The following NRIP1 variants were observed in gnomAD, a reference collection of about 807,000 sequenced individuals.
NRIP1 encodes the protein nuclear receptor-interacting protein 1.
NRIP1 carries 28 observed loss-of-function variants against 75.0 expected under a neutral mutation model. That is an observed-to-expected ratio of 0.37 (90% CI 0.28 to 0.51). The LOEUF (loss-of-function observed/expected upper bound fraction) is 0.51. Among genes scored for constraint, NRIP1 ranks in the 20% least tolerant of loss-of-function variants. The pLI, the probability that NRIP1 is intolerant of heterozygous loss-of-function variation, is 0.92. For missense variants in NRIP1, 1,435 were observed against 1,343.7 expected (o/e 1.07, Z -1.06); for synonymous variants, 526 against 487.6 (o/e 1.08, Z -1.04).
intron 3 of NRIP1, among the ~76,000 whole-genome samples, chr21:14,985,783 C>T (rs561768996): frequency 6.6e-6 from 1 of 152,076 alleles, no homozygotes; most frequent in Non-Finnish European, 1.5e-5. Flanking sequence ...CCAGTTCCAT[C>T]AAGCTTTTCA....
intron 3 of NRIP1, among the ~76,000 whole-genome samples, chr21:15,005,662 G>A (rs575818881): frequency 2.6e-5 from 4 of 152,306 alleles, no homozygotes; most frequent in South Asian, 2.1e-4. Flanking sequence ...CAGGATCTGT[G>A]CCAGTGTGAG....
intron 3 of NRIP1, among the ~76,000 whole-genome samples, chr21:14,972,935 G>A (rs1284171689): frequency 6.6e-6 from 1 of 152,168 alleles, no homozygotes; most frequent in Non-Finnish European, 1.5e-5. Flanking sequence ...CCTGCTGTGT[G>A]GCCCAGTTCC....
rs112965101 is a variant in NRIP1, at chr21:15,014,455, T to A, written c.-446A>T. 3.1e-3 allele frequency: 1,223 copies of A among 398,414 alleles called. 10 individuals carry two copies. The highest frequency in any genetic ancestry group is 0.023 in the African/African-American group (1,098 of 48,732). The allele number at this position is 398,414 out of a possible 1,614,324, so 24.7% of individuals were successfully genotyped here. ...CTTCAGATTCCCTGTCCTCCTTCAG[T>A]CAAGTGTGCATCTTAACAAGAGGGA... On this transcript the variant is annotated 5_prime_UTR_variant, in exon 3 of 4. An upstream open reading frame in the 5' UTR loses its in-frame stop. Coordinates refer to ENST00000318948, the MANE Select transcript of NRIP1 (RefSeq NM_003489.4).
chr21:15,037,993 A>T (rs1254798469), intron 2 of NRIP1, among the ~76,000 whole-genome samples: 1 of 152,146 alleles, frequency 6.6e-6, no homozygotes, highest in African/African-American at 2.4e-5. Context: ...ATGGCAGTGG[A>T]AAGACAAAGA....
chr21:14,968,831 A>G (rs532993473), intron 3 of NRIP1, among the ~76,000 whole-genome samples: 47 of 152,336 alleles, frequency 3.1e-4, no homozygotes, highest in Admixed American at 2.2e-3. Flanking sequence ...AATTTTCATA[A>G]GCACCTTTCT....
chr21:14,978,754 T>C (rs1160286141), intron 3 of NRIP1, among the ~76,000 whole-genome samples: 1 of 152,232 alleles, frequency 6.6e-6, no homozygotes, highest in African/African-American at 2.4e-5. Context: ...CTATTCATTT[T>C]ACACTGCCTC....
chr21:14,968,129 C>T lies in NRIP1; in HGVS notation c.64G>A (p.Glu22Lys). ...HQDSIVLTYL[E>K]GLLMHQAAGG... ...GCTGCCTGATGCATTAGTAATCCTT[C>T]TAGGTAAGTTAAAACAATAGAATCC... is the stretch of plus-strand genomic sequence containing the variant. Residue 22 changes from glutamate to lysine, a missense_variant, in exon 4 of 4, where the codon GAA becomes AAA. Glu to Lys is a moderately conservative substitution (Grantham distance 56). Transcript: ENST00000318948. The T allele has an allele frequency of 6.2e-7, 1 of 1,613,964 alleles. No homozygotes were observed. Among genetic ancestry groups the T allele is most frequent in the East Asian group, 2.2e-5 (1 of 44,860 alleles).
intron 2 of NRIP1, among the ~76,000 whole-genome samples, chr21:15,033,146 A>G (rs2147273565): frequency 6.6e-6 from 1 of 150,790 alleles, no homozygotes; most frequent in South Asian, 2.1e-4. Context: ...AATGGCGTGA[A>G]CCTGGGAGGC....
chr21:15,006,175 GA>G (rs145788672), intron 3 of NRIP1, among the ~76,000 whole-genome samples: 1,942 of 148,806 alleles, frequency 0.013, 33 homozygotes, highest in African/African-American at 0.043. Context: ...TCTTAAGACG[GA>G]AAAAAAAAAT....
intron 1 of NRIP1, among the ~76,000 whole-genome samples, chr21:15,054,618 G>T (rs916323711): frequency 6.6e-6 from 1 of 152,118 alleles, no homozygotes; most frequent in Non-Finnish European, 1.5e-5. Context: ...GAAAAAACGT[G>T]GAAGAGCTTC....
intron 2 of NRIP1, among the ~76,000 whole-genome samples, chr21:15,017,538 T>TA (rs1201967672): frequency 6.6e-6 from 1 of 152,094 alleles, no homozygotes; most frequent in Non-Finnish European, 1.5e-5. Context: ...GATATAATCT[T>TA]AAAAAAACCC....
intron 2 of NRIP1, among the ~76,000 whole-genome samples, chr21:15,021,580 C>A (rs1392685759): frequency 6.6e-6 from 1 of 151,696 alleles, no homozygotes. Context: ...CTAAATAAAG[C>A]CATGAAAAAC....
chr21:14,978,133 A>T (rs1185245154), intron 3 of NRIP1, among the ~76,000 whole-genome samples: 1 of 152,212 alleles, frequency 6.6e-6, no homozygotes, highest in African/African-American at 2.4e-5. Flanking sequence ...TGTCATTCAC[A>T]TTCCCAACTA....
At chr21:15,064,384 C>T (rs1978649836) in intron 1 of NRIP1, among the ~76,000 whole-genome samples, 1 of 152,198 alleles carries the variant, frequency 6.6e-6, no homozygotes, top group Admixed American at 6.5e-5. Context: ...CGAGCGGTGC[C>T]CGGGGTTCGG....
intron 1 of NRIP1, among the ~76,000 whole-genome samples, chr21:15,053,025 A>G (rs1254070447): frequency 6.6e-6 from 1 of 152,214 alleles, no homozygotes; most frequent in Non-Finnish European, 1.5e-5. Context: ...TTGACTGCCC[A>G]AAGGCCCATT....
chr21:15,036,382 C>G (rs1411121290), intron 2 of NRIP1, among the ~76,000 whole-genome samples: 3 of 152,220 alleles, frequency 2.0e-5, no homozygotes, highest in Non-Finnish European at 4.4e-5. Flanking sequence ...TCTGCTACTA[C>G]TCCGTGTCAC....
intron 2 of NRIP1, among the ~76,000 whole-genome samples, chr21:15,040,512 C>T (rs1177534803): frequency 1.3e-5 from 2 of 151,990 alleles, no homozygotes; most frequent in Admixed American, 6.6e-5. Flanking sequence ...TCACAAGAAA[C>T]GCTTGTCAGG....
chr21:14,988,684 C>A (rs2087480883), intron 3 of NRIP1, among the ~76,000 whole-genome samples: 1 of 151,934 alleles, frequency 6.6e-6, no homozygotes, highest in Non-Finnish European at 1.5e-5. Flanking sequence ...TCTTCCTTAC[C>A]TAAACCTTTT....
At position 15,030,207 on chromosome 21, in the gene NRIP1, G is replaced by A. The variant is rs1463298504; in HGVS notation, c.-458+13288C>T. ...CAGAGTAGAAAACAGAAAATACCATGTGGGACACTAATAAGATCATTATGA... is the reference window on the plus strand; with the variant it reads ...CAGAGTAGAAAACAGAAAATACCATATGGGACACTAATAAGATCATTATGA... On this transcript the variant is annotated intron_variant, in intron 2 of 3. Transcript: ENST00000318948. Among the ~76,000 whole-genome samples the A allele has an allele frequency of 2.6e-5, 4 of 152,360 alleles. No homozygotes were observed. The East Asian group carries it at 7.7e-4, about 29-fold the overall frequency.
Sources: gnomAD v4.1 joint callset for allele counts (sites outside exome capture counted in the v4.1 genomes callset) on GRCh38, gnomAD v4.1.1 for gene constraint, MANE v1.5 for transcripts, NCBI Gene and HGNC (gene_info 2026-07-23, HGNC 2026-07-21) for gene names.